The following EGFR variants were observed in gnomAD, a reference collection of about 807,000 sequenced individuals.
EGFR encodes epidermal growth factor receptor.
In EGFR, 58 loss-of-function variants were observed where a neutral mutation model predicts 143.0. The observed-to-expected ratio is 0.41, with a 90% CI of 0.33 to 0.50. The LOEUF is 0.50. EGFR is among the 20% of genes least tolerant of loss of function. EGFR has a pLI of 0.39. For missense variants in EGFR, 1,307 were observed against 1,579.0 expected, an observed-to-expected ratio of 0.83 and a Z score of 2.92; for synonymous variants, 613 against 594.4, an observed-to-expected ratio of 1.03 and a Z score of -0.45.
At chr7:55,175,956 A>G (rs776757829) in intron 19 of EGFR, among the ~76,000 whole-genome samples, 2 of 152,256 alleles carry the variant, frequency 1.3e-5, no homozygotes, top group Non-Finnish European at 2.9e-5. Context: ...AAAAATCTGT[A>G]AAATTGATGA....
intron 19 of EGFR, among the ~76,000 whole-genome samples, chr7:55,179,075 G>GT (rs1786733261): frequency 6.6e-6 from 1 of 152,254 alleles, no homozygotes; most frequent in Non-Finnish European, 1.5e-5. Flanking sequence ...GTAAGAGCAA[G>GT]TGTGTGCCGG....
At chr7:55,020,383 G>T (rs1174731509) in intron 1 of EGFR, among the ~76,000 whole-genome samples, 1 of 152,226 alleles carries the variant, frequency 6.6e-6, no homozygotes, top group Non-Finnish European at 1.5e-5. Flanking sequence ...CTGCAGGGGG[G>T]GATCGCGGGA....
intron 1 of EGFR, among the ~76,000 whole-genome samples, chr7:55,095,764 ACACAGAGACACACT>A (rs1791427178): frequency 6.6e-6 from 1 of 151,504 alleles, no homozygotes; most frequent in Admixed American, 6.6e-5. Context: ...AGATGGGCAC[ACACAGAGACACACT>A]CACAGAGACA....
In EGFR at chr7:55,096,957, A is replaced by ACC. The variant is rs3832476; in HGVS notation, c.89-45323_89-45322dup. On this transcript the variant is annotated intron_variant, in intron 1 of 27. Coordinates refer to ENST00000275493, the MANE Select transcript of EGFR (RefSeq NM_005228.5). ...GGAATGAAAGTGCTGTCCGTTCCTT[A>ACC]CCCCCCCAGCTCCTCACCTGTCCTC... 1.8e-4 allele frequency among the ~76,000 whole-genome samples: 28 copies of ACC among 151,452 alleles called. No homozygotes were observed. The South Asian group carries it at 5.2e-3, about 28-fold the overall frequency.
intron 1 of EGFR, among the ~76,000 whole-genome samples, chr7:55,091,922 A>G (rs1199358854): frequency 1.3e-5 from 2 of 151,970 alleles, no homozygotes; most frequent in Non-Finnish European, 2.9e-5. Flanking sequence ...AGAGATAACT[A>G]AAGAGAGAGA....
At chr7:55,135,905 A>G (rs1446310935) in intron 1 of EGFR, among the ~76,000 whole-genome samples, 1 of 152,130 alleles carries the variant, frequency 6.6e-6, no homozygotes, top group Non-Finnish European at 1.5e-5. Context: ...TTTTTTACAG[A>G]TTTTTTTAAA....
intron 1 of EGFR, among the ~76,000 whole-genome samples, chr7:55,068,028 A>C (rs1017130826): frequency 1.3e-5 from 2 of 149,596 alleles, no homozygotes; most frequent in Non-Finnish European, 3.0e-5. Flanking sequence ...GCCTGTGTGT[A>C]TGTGTATATG....
intron 1 of EGFR, among the ~76,000 whole-genome samples, chr7:55,062,871 A>G (rs927243491): frequency 2.0e-5 from 3 of 152,066 alleles, no homozygotes; most frequent in African/African-American, 7.2e-5. Context: ...GATGAATCTT[A>G]CCATGTGGTG....
intron 1 of EGFR, among the ~76,000 whole-genome samples, chr7:55,085,525 A>G (rs1790705134): frequency 1.3e-5 from 2 of 152,218 alleles, no homozygotes; most frequent in African/African-American, 4.8e-5. Flanking sequence ...CTAAAGTATT[A>G]TCATGAAAAC....
Position 55,051,243 on chromosome 7 carries a change from A to G in EGFR, c.88+31878A>G, listed in dbSNP as rs529856494. Among the ~76,000 whole-genome samples the G allele has an allele frequency of 3.3e-5, 5 of 152,286 alleles. No individual in the cohort carries two copies. In the South Asian group the frequency reaches 1.0e-3, roughly 32 times the overall value. ...GCCCAGGGAGGCTTTTTCATAAAGA[A>G]GAGGTTGAATCTTTGGGGCTGTGGT... On this transcript the variant is annotated intron_variant, in intron 1 of 27. Coordinates refer to ENST00000275493, the MANE Select transcript of EGFR (RefSeq NM_005228.5).
At chr7:55,139,935 C>T (rs1057368313) in intron 1 of EGFR, among the ~76,000 whole-genome samples, 3 of 152,034 alleles carry the variant, frequency 2.0e-5, no homozygotes, top group African/African-American at 7.2e-5. Context: ...AAAAGTTATA[C>T]ATGCTAATTG....
At chr7:55,161,143 G>A (rs564462055) in intron 12 of EGFR, among the ~76,000 whole-genome samples, 6 of 152,312 alleles carry the variant, frequency 3.9e-5, no homozygotes, top group South Asian at 2.1e-4. Flanking sequence ...AGTGGCCGTG[G>A]GAGCACAGAA....
chr7:55,160,875 C>G (rs576876900), intron 12 of EGFR, among the ~76,000 whole-genome samples: 80 of 152,360 alleles, frequency 5.3e-4, no homozygotes, highest in African/African-American at 1.8e-3. Flanking sequence ...CTTTGGCTTC[C>G]TCATCCATAG....
chr7:55,118,081 A>G (rs941491104), intron 1 of EGFR, among the ~76,000 whole-genome samples: 1 of 152,214 alleles, frequency 6.6e-6, no homozygotes, highest in Non-Finnish European at 1.5e-5. Context: ...AGTGCCCAGC[A>G]CAAGTTAATT....
At chr7:55,088,517 A>C (rs919923549) in intron 1 of EGFR, among the ~76,000 whole-genome samples, 2 of 152,210 alleles carry the variant, frequency 1.3e-5, no homozygotes, top group African/African-American at 4.8e-5. Context: ...TTTTAAAGTC[A>C]ACTGCCAGGC....
chr7:55,071,677 G>C (rs780739738), intron 1 of EGFR, among the ~76,000 whole-genome samples: 5 of 152,142 alleles, frequency 3.3e-5, no homozygotes, highest in Non-Finnish European at 5.9e-5. Flanking sequence ...AGCTCCCAAG[G>C]ACTCTAAAAA....
In EGFR at chr7:55,154,057, C is replaced by A. The variant is rs748627278; in HGVS notation, c.794C>A (p.Pro265His). The change falls in exon 7 of 28, where the codon CCC (proline) becomes CAC (histidine). Residue 265 changes from proline to histidine, a missense_variant. By Grantham distance (77) the Pro-to-His change is moderately conservative (BLOSUM62 -2). Transcript: ENST00000275493. ...RDEATCKDTC[P>H]PLMLYNPTTY... ...GAAGCCACGTGCAAGGACACCTGCC[C>A]CCCACTCATGCTCTACAACCCCACC... 4 of 1,614,086 alleles carry A rather than the reference C, an allele frequency of 2.5e-6. No homozygotes were observed. The African/African-American group carries it at 4.0e-5, about 16-fold the overall frequency.
intron 2 of EGFR, among the ~76,000 whole-genome samples, chr7:55,142,723 G>C (rs1344151149): frequency 6.6e-6 from 1 of 152,120 alleles, no homozygotes; most frequent in Non-Finnish European, 1.5e-5. Context: ...TGCCATACTC[G>C]CTCTTAAAAA....
At chr7:55,128,965 T>G (rs1489508985) in intron 1 of EGFR, among the ~76,000 whole-genome samples, 3 of 152,254 alleles carry the variant, frequency 2.0e-5, no homozygotes, top group Non-Finnish European at 4.4e-5. Context: ...AAAACTTATA[T>G]ATGATGTTCA....
Sources: gnomAD v4.1 joint callset for allele counts (sites outside exome capture counted in the v4.1 genomes callset) on GRCh38, gnomAD v4.1.1 for gene constraint, MANE v1.5 for transcripts, NCBI Gene and HGNC (gene_info 2026-07-23, HGNC 2026-07-21) for gene names.